The following PCDH15 variants were observed in gnomAD, a reference collection of about 807,000 sequenced individuals.
The protein encoded by PCDH15 is protocadherin-15.
Under a neutral mutation model 178.5 loss-of-function variants are expected in PCDH15, and 129 were observed. That is an observed-to-expected ratio of 0.72 (90% CI 0.63 to 0.84). The LOEUF is 0.84. Among genes scored for constraint, PCDH15 ranks in the 40% least tolerant of loss-of-function variants. The probability of loss-of-function intolerance (pLI) is 0.00; values close to 1 mark genes in which losing one functional copy is unlikely to be tolerated. For synonymous variants in PCDH15, 800 were observed against 732.0 expected, an observed-to-expected ratio of 1.09 and a Z score of -1.50; for missense variants, 2,230 against 2,099.9, an observed-to-expected ratio of 1.06 and a Z score of -1.21.
rs1280849622 is a variant in PCDH15 at position 53,823,366 on chromosome 10, G to C, written c.4368-3136C>G. ...TGGTAGAGAAGGAAAAGACTTGAAA[G>C]AAAAGAAGATAATGAAATGTAAGGA... On this transcript the variant is annotated intron_variant, in intron 32 of 37. Transcript: ENST00000644397. The C allele has an allele frequency of 8.7e-6, 14 of 1,609,474 alleles. No homozygotes were observed. Among genetic ancestry groups the C allele is most frequent in the Non-Finnish European group, 1.2e-5 (14 of 1,176,066 alleles).
rs750168790 is a variant in PCDH15, at chr10:53,821,905, C to CAAT, written c.4368-1678_4368-1676dup. The CAAT allele has an allele frequency of 1.2e-6, 2 of 1,613,664 alleles. No individual in the cohort carries two copies. Among genetic ancestry groups the CAAT allele is most frequent in the Admixed American group, 3.3e-5 (2 of 59,982 alleles). The stretch of plus-strand genomic sequence containing the variant: ...TGAGATTGTTTTTCAGTTCCCTCGA[C>CAAT]AATATTGTTCAAACTCCCCTTGTTT... On this transcript the variant is annotated intron_variant, in intron 32 of 37. Transcript: ENST00000644397.
chr10:53,972,475 A>T (rs931876867), intron 21 of PCDH15, among the ~76,000 whole-genome samples: 1 of 152,210 alleles, frequency 6.6e-6, no homozygotes, highest in African/African-American at 2.4e-5. Flanking sequence ...GCACAGCAAA[A>T]GAAACTACCA....
chr10:53,875,827 A>G (rs1162758116), intron 26 of PCDH15, among the ~76,000 whole-genome samples: 4 of 152,300 alleles, frequency 2.6e-5, no homozygotes, highest in African/African-American at 7.2e-5. Context: ...ACAGGGGAGT[A>G]GGGGAGACCA....
intron 25 of PCDH15, among the ~76,000 whole-genome samples, chr10:53,931,988 T>C (rs978113625): frequency 1.3e-5 from 2 of 152,208 alleles, no homozygotes; most frequent in Admixed American, 6.5e-5. Context: ...TTGGAGATTA[T>C]GGAGAAAAGG....
intron 2 of PCDH15, among the ~76,000 whole-genome samples, chr10:54,917,117 T>C (rs1019857151): frequency 2.6e-5 from 4 of 152,154 alleles, no homozygotes; most frequent in East Asian, 1.9e-4. Flanking sequence ...AAGAGTAATA[T>C]ATTAGTTGGA....
chr10:54,127,602 A>C (rs1041549284), intron 15 of PCDH15, among the ~76,000 whole-genome samples: 1 of 152,164 alleles, frequency 6.6e-6, no homozygotes, highest in Non-Finnish European at 1.5e-5. Context: ...GGGCCAGCTG[A>C]GTATTTTGTT....
intron 1 of PCDH15, among the ~76,000 whole-genome samples, chr10:55,262,466 G>C (rs1275606107): frequency 6.6e-6 from 1 of 152,174 alleles, no homozygotes; most frequent in African/African-American, 2.4e-5. Flanking sequence ...ACACACAGGC[G>C]GCTGGATGCT....
At chr10:54,463,364 C>CA (rs911171346) in intron 3 of PCDH15, among the ~76,000 whole-genome samples, 2 of 152,002 alleles carry the variant, frequency 1.3e-5, no homozygotes, top group Non-Finnish European at 2.9e-5. Context: ...AATAATAAGA[C>CA]AAAAAATAAT....
chr10:54,972,450 G>C (rs999621538), intron 2 of PCDH15, among the ~76,000 whole-genome samples: 1 of 152,120 alleles, frequency 6.6e-6, no homozygotes, highest in African/African-American at 2.4e-5. Flanking sequence ...TTAGGCAGGA[G>C]AATCGCTTGA....
At position 53,961,882 on chromosome 10, in the gene PCDH15, G is replaced by A. The variant is rs766650028; in HGVS notation, c.2879C>T (p.Ala960Val). The change falls in exon 22 of 38, where the codon GCA becomes GTA. Residue 960 changes from alanine (A) to valine (V), a missense_variant. Transcript: ENST00000644397. ...AEDADPPGLP[A>V]SRVRYRVDDV... ...ATCTACTCTATACCTCACACGACTTGCAGGTAATCCCTAAAATAAAATTAT... is the reference window on the plus strand; with the variant it reads ...ATCTACTCTATACCTCACACGACTTACAGGTAATCCCTAAAATAAAATTAT... 1 of 1,607,868 alleles carries A rather than the reference G, an allele frequency of 6.2e-7. No individual in the cohort carries two copies. The highest frequency in any genetic ancestry group is 1.1e-5 in the South Asian group (1 of 90,580).
In PCDH15 at chr10:53,823,770, A is replaced by G. The variant is rs1219983372; in HGVS notation, c.4368-3540T>C. On this transcript the variant is annotated intron_variant, in intron 32 of 37. Transcript: ENST00000644397. ...CTCAGGGCTGCCTGTTACGCATAGA[A>G]GATTCTTAGCTGTATCTGATTCAGT... 6.6e-6 allele frequency: 3 copies of G among 453,774 alleles called. No individual in the cohort carries two copies. The Admixed American group carries it at 7.1e-5, about 11-fold the overall frequency. The allele number at this position is 453,774 out of a possible 1,614,324, so 28.1% of individuals were successfully genotyped here.
chr10:54,704,529 A>T (rs1484751264), intron 1 of PCDH15, among the ~76,000 whole-genome samples: 1 of 152,184 alleles, frequency 6.6e-6, no homozygotes, highest in Non-Finnish European at 1.5e-5. Context: ...ACATGCAGAG[A>T]CACTTTCAGA....
chr10:54,878,550 A>G (rs993312769), intron 3 of PCDH15, among the ~76,000 whole-genome samples: 1 of 152,198 alleles, frequency 6.6e-6, no homozygotes, highest in Non-Finnish European at 1.5e-5. Flanking sequence ...AACCACAGTT[A>G]TGAAAATATT....
chr10:54,848,610 T>C (rs1459417636), intron 3 of PCDH15, among the ~76,000 whole-genome samples: 1 of 152,074 alleles, frequency 6.6e-6, no homozygotes, highest in Admixed American at 6.6e-5. Context: ...TCCACAACTA[T>C]AGAAAATGAA....
intron 2 of PCDH15, among the ~76,000 whole-genome samples, chr10:55,512,111 G>T (rs183548329): frequency 2.0e-5 from 3 of 152,032 alleles, no homozygotes; most frequent in Non-Finnish European, 4.4e-5. Flanking sequence ...TGCTGGAAAC[G>T]AGAGGTATTA....
chr10:54,684,227 G>T (rs74136242), intron 1 of PCDH15, among the ~76,000 whole-genome samples: 3 of 151,674 alleles, frequency 2.0e-5, no homozygotes, highest in African/African-American at 7.3e-5. Context: ...TTTGTAATAC[G>T]AAGAGGTTGT....
intron 4 of PCDH15, among the ~76,000 whole-genome samples, chr10:54,370,945 A>G (rs1947567347): frequency 6.6e-6 from 1 of 151,844 alleles, no homozygotes; most frequent in African/African-American, 2.4e-5. Flanking sequence ...AAATTGAGGC[A>G]TCATTGACAT....
chr10:54,641,815 A>G (rs899383033), intron 2 of PCDH15, among the ~76,000 whole-genome samples: 5 of 152,268 alleles, frequency 3.3e-5, no homozygotes, highest in Admixed American at 1.3e-4. Flanking sequence ...CTGTTTTAGA[A>G]TAAATTGAAT....
chr10:54,620,110 T>C (rs1307858563), intron 2 of PCDH15, among the ~76,000 whole-genome samples: 2 of 152,050 alleles, frequency 1.3e-5, no homozygotes, highest in Non-Finnish European at 2.9e-5. Flanking sequence ...CAGAGTTAAA[T>C]CGTTGCAGCA....
Sources: allele counts gnomAD v4.1 joint callset (sites outside exome capture counted in the v4.1 genomes callset), GRCh38; gene constraint gnomAD v4.1.1; transcripts MANE v1.5; gene names NCBI Gene and HGNC (gene_info 2026-07-23, HGNC 2026-07-21).